The following LPP variants were observed in gnomAD, a reference collection of about 807,000 sequenced individuals.
LPP encodes the protein LIM domain containing preferred translocation partner in lipoma, also known as lipoma-preferred partner.
In LPP, 38 loss-of-function variants were observed where a neutral mutation model predicts 60.4. That is an observed-to-expected ratio of 0.63 (90% CI 0.49 to 0.83). The LOEUF is 0.83. Ranked by LOEUF, LPP falls within the 40% of genes least tolerant of loss-of-function variation. LPP has a pLI of 0.00. For synonymous variants in LPP, 328 were observed against 290.8 expected (o/e 1.13, Z -1.30); for missense variants, 902 against 783.6 (o/e 1.15, Z -1.80).
intron 7 of LPP, among the ~76,000 whole-genome samples, chr3:188,686,365 C>A (rs1019868331): frequency 5.3e-5 from 8 of 152,256 alleles, no homozygotes; most frequent in Middle Eastern, 3.4e-3. Context: ...ACTAAGGTAA[C>A]CCACTTCAGT....
intron 7 of LPP, among the ~76,000 whole-genome samples, chr3:188,682,863 A>G (rs1339010812): frequency 6.6e-6 from 1 of 152,182 alleles, no homozygotes; most frequent in African/African-American, 2.4e-5. Context: ...TCAGGCCCTA[A>G]TGCACACAGG....
intron 9 of LPP, among the ~76,000 whole-genome samples, chr3:188,862,719 A>AAAAAAAAG (rs1765499948): frequency 1.1e-5 from 1 of 91,124 alleles, no homozygotes; most frequent in African/African-American, 3.7e-5. Flanking sequence ...AGACAAAAAA[A>AAAAAAAAG]TAAATAAATA....
At chr3:188,448,371 A>AATATCTATCTAAATAGATGTTATTTAG (rs140471443) in intron 4 of LPP, among the ~76,000 whole-genome samples, 12 of 150,358 alleles carry the variant, frequency 8.0e-5, no homozygotes, top group African/African-American at 2.5e-4. Flanking sequence ...AATAGATAAT[A>AATATCTATCTAAATAGATGTTATTTAG]ATATCTATCT....
chr3:188,330,286 C>T (rs1440308763), intron 2 of LPP, among the ~76,000 whole-genome samples: 2 of 152,186 alleles, frequency 1.3e-5, no homozygotes, highest in African/African-American at 4.8e-5. Context: ...CTAAGGTTTG[C>T]AGACAATGCT....
intron 6 of LPP, among the ~76,000 whole-genome samples, chr3:188,558,739 C>T (rs1026220987): frequency 6.6e-5 from 10 of 152,164 alleles, no homozygotes; most frequent in East Asian, 1.9e-4. Context: ...GCCATTTCTA[C>T]CTCCCACTTG....
chr3:188,277,641 G>C (rs1740448454), intron 2 of LPP, among the ~76,000 whole-genome samples: 1 of 152,132 alleles, frequency 6.6e-6, no homozygotes, highest in Admixed American at 6.6e-5. Flanking sequence ...CTCTCTAAGA[G>C]ACATGGACTG....
At chr3:188,618,011 G>T (rs1845172935) in intron 7 of LPP, among the ~76,000 whole-genome samples, 1 of 152,110 alleles carries the variant, frequency 6.6e-6, no homozygotes, top group South Asian at 2.1e-4. Flanking sequence ...AAAGAAATTT[G>T]AACCATTATT....
intron 9 of LPP, among the ~76,000 whole-genome samples, chr3:188,854,545 A>G (rs1763384378): frequency 6.6e-6 from 1 of 152,228 alleles, no homozygotes; most frequent in African/African-American, 2.4e-5. Flanking sequence ...AAATACAATT[A>G]GAAGGCCTTG....
At chr3:188,281,284 A>G (rs1449739625) in intron 2 of LPP, among the ~76,000 whole-genome samples, 1 of 152,130 alleles carries the variant, frequency 6.6e-6, no homozygotes, top group East Asian at 1.9e-4. Flanking sequence ...GGGTTTAGAA[A>G]GAGTATATTT....
chr3:188,641,036 C>A (rs1560690784), intron 7 of LPP, among the ~76,000 whole-genome samples: 1 of 152,194 alleles, frequency 6.6e-6, no homozygotes. Context: ...CCAAATCTCT[C>A]CAATCACAAG....
chr3:188,676,867 T>G (rs1858232251), intron 7 of LPP, among the ~76,000 whole-genome samples: 1 of 152,164 alleles, frequency 6.6e-6, no homozygotes, highest in Non-Finnish European at 1.5e-5. Flanking sequence ...ATGACTTGTG[T>G]GTGATTGTGT....
intron 7 of LPP, among the ~76,000 whole-genome samples, chr3:188,665,442 T>C (rs1294598389): frequency 1.4e-5 from 2 of 146,460 alleles, no homozygotes; most frequent in Non-Finnish European, 3.0e-5. Flanking sequence ...AGCAAACATA[T>C]TCCTTCTTCT....
At chr3:188,787,413 C>G (rs1742289718) in intron 9 of LPP, among the ~76,000 whole-genome samples, 1 of 151,956 alleles carries the variant, frequency 6.6e-6, no homozygotes, top group African/African-American at 2.4e-5. Context: ...CTTTAGATCT[C>G]TCTCTCTTAC....
intron 1 of LPP, among the ~76,000 whole-genome samples, chr3:188,213,411 A>T (rs776825845): frequency 9.2e-5 from 14 of 152,172 alleles, no homozygotes; most frequent in African/African-American, 1.2e-4. Flanking sequence ...CAGATGGCTC[A>T]TTATGTGGGA....
intron 5 of LPP, among the ~76,000 whole-genome samples, chr3:188,501,600 T>G (rs1811886578): frequency 1.3e-5 from 2 of 152,172 alleles, no homozygotes; most frequent in African/African-American, 4.8e-5. Context: ...TTACAAAAAA[T>G]TAGCCGGGCG....
rs575285339 is a variant in LPP, at chr3:188,487,145, G to T, written c.306+2441G>T. On this transcript the variant is annotated intron_variant, in intron 5 of 11. Transcript: ENST00000617246. Reference sequence around the variant, plus strand: ...TAGTTACATAGATTATTCTAGTTGTGTGATCTTGCGCAATGCATGCTGAGT... The same window carrying T: ...TAGTTACATAGATTATTCTAGTTGTTTGATCTTGCGCAATGCATGCTGAGT... Among the ~76,000 whole-genome samples, 27 of 152,286 alleles carry T rather than the reference G, an allele frequency of 1.8e-4. No homozygotes were observed. In the South Asian group the frequency reaches 4.8e-3, roughly 27 times the overall value.
intron 1 of LPP, among the ~76,000 whole-genome samples, chr3:188,161,475 C>T (rs1718260929): frequency 6.6e-6 from 1 of 152,144 alleles, no homozygotes; most frequent in Non-Finnish European, 1.5e-5. Context: ...TTAATGTACA[C>T]CAAAGTTTGT....
intron 1 of LPP, among the ~76,000 whole-genome samples, chr3:188,207,563 G>C (rs922539735): frequency 6.7e-6 from 1 of 150,322 alleles, no homozygotes; most frequent in Non-Finnish European, 1.5e-5. Flanking sequence ...TAACTTGCTG[G>C]TCTTTGTCAT....
chr3:188,373,694 A>G lies in LPP; in HGVS notation c.-10+31975A>G, dbSNP rs189982070. Among the ~76,000 whole-genome samples, 664 of 152,236 alleles carry G rather than the reference A, an allele frequency of 4.4e-3. 8 individuals carry two copies. Among genetic ancestry groups the G allele is most frequent in the African/African-American group, 0.015 (611 of 41,524 alleles). ...CTGATGGTAGTTTCTTTTGCTGTGCAGAAGCTCTTTAGTTTATTTAGATCC... is the reference window on the plus strand; with the variant it reads ...CTGATGGTAGTTTCTTTTGCTGTGCGGAAGCTCTTTAGTTTATTTAGATCC... On this transcript the variant is annotated intron_variant, in intron 3 of 11. Coordinates refer to ENST00000617246, the MANE Select transcript of LPP (RefSeq NM_001375462.1).
Sources: allele counts gnomAD v4.1 joint callset (sites outside exome capture counted in the v4.1 genomes callset), GRCh38; gene constraint gnomAD v4.1.1; transcripts MANE v1.5; gene names NCBI Gene and HGNC (gene_info 2026-07-23, HGNC 2026-07-21).